The following RAB27A variants were observed in gnomAD, a reference collection of about 807,000 sequenced individuals.
RAB27A encodes RAB27A, member RAS oncogene family.
In RAB27A, 17 loss-of-function variants were observed where a neutral mutation model predicts 20.8. The ratio of observed to expected loss-of-function variants is 0.82; its 90% CI spans 0.56 to 1.23. RAB27A has a LOEUF of 1.23. Among genes scored for constraint, RAB27A ranks in the 50% most tolerant of loss-of-function variants. RAB27A has a pLI of 0.00. For synonymous variants in RAB27A, 85 were observed against 92.8 expected, an observed-to-expected ratio of 0.92 and a Z score of 0.48; for missense variants, 277 against 266.7, an observed-to-expected ratio of 1.04 and a Z score of -0.27.
chr15:55,246,658 G>A (rs1188967412), intron 2 of RAB27A, among the ~76,000 whole-genome samples: 4 of 150,914 alleles, frequency 2.7e-5, no homozygotes, highest in Admixed American at 2.0e-4. Context: ...GTAAAACATA[G>A]GCAGTACAGT....
intron 2 of RAB27A, among the ~76,000 whole-genome samples, chr15:55,303,691 C>G (rs1402344096): frequency 1.2e-4 from 15 of 122,896 alleles, no homozygotes; most frequent in East Asian, 3.1e-4. Flanking sequence ...CGGCCAGCCG[C>G]CCCGTCCGGG....
At chr15:55,301,077 C>T (rs1344365754) in intron 2 of RAB27A, among the ~76,000 whole-genome samples, 1 of 152,086 alleles carries the variant, frequency 6.6e-6, no homozygotes, top group African/African-American at 2.4e-5. Flanking sequence ...CTAGAAAATG[C>T]CACCGTGACC....
chr15:55,246,974 A>G (rs922009264), intron 2 of RAB27A, among the ~76,000 whole-genome samples: 1 of 152,184 alleles, frequency 6.6e-6, no homozygotes, highest in Admixed American at 6.5e-5. Flanking sequence ...CAAACTGAAC[A>G]GCAAAATGCC....
At chr15:55,308,438 C>T (rs557840278) in intron 2 of RAB27A, among the ~76,000 whole-genome samples, 1 of 152,220 alleles carries the variant, frequency 6.6e-6, no homozygotes, top group Non-Finnish European at 1.5e-5. Context: ...ATTAGTTCTG[C>T]CAGCTGAGCA....
chr15:55,236,081 G>A (rs1161221362), intron 2 of RAB27A, among the ~76,000 whole-genome samples: 2 of 151,326 alleles, frequency 1.3e-5, no homozygotes, highest in African/African-American at 4.9e-5. Context: ...TTGGGTGATG[G>A]GTGCACCAAA....
At chr15:55,312,549 A>G (rs756809079) in intron 2 of RAB27A, among the ~76,000 whole-genome samples, 2 of 152,142 alleles carry the variant, frequency 1.3e-5, no homozygotes, top group Non-Finnish European at 2.9e-5. Context: ...CACATCCTCA[A>G]CAGCACTTGT....
At chr15:55,316,970 T>A (rs1040754506) in intron 1 of RAB27A, among the ~76,000 whole-genome samples, 2 of 152,158 alleles carry the variant, frequency 1.3e-5, no homozygotes. Flanking sequence ...GGTTCACATA[T>A]CTACAAACAC....
chr15:55,243,999 G>T (rs1896592104), intron 2 of RAB27A, among the ~76,000 whole-genome samples: 1 of 151,972 alleles, frequency 6.6e-6, no homozygotes, highest in African/African-American at 2.4e-5. Context: ...ACATGGAAAA[G>T]GAATAAAAGT....
intron 2 of RAB27A, among the ~76,000 whole-genome samples, chr15:55,296,766 G>C (rs111464509): frequency 2.0e-5 from 3 of 151,848 alleles, no homozygotes; most frequent in African/African-American, 7.3e-5. Flanking sequence ...ATTCCCTACC[G>C]CCGGTCCCAT....
intron 5 of RAB27A, among the ~76,000 whole-genome samples, chr15:55,226,943 T>A (rs867789367): frequency 6.8e-6 from 1 of 147,894 alleles, no homozygotes; most frequent in Non-Finnish European, 1.5e-5. Context: ...AAGAAAAAAA[T>A]AAAAGTACAG....
At chr15:55,305,342 A>T (rs1396252141) in intron 2 of RAB27A, among the ~76,000 whole-genome samples, 1 of 152,194 alleles carries the variant, frequency 6.6e-6, no homozygotes, top group African/African-American at 2.4e-5. Flanking sequence ...CTTTGATGTC[A>T]TTAACATTGG....
chr15:55,245,752 T>C (rs930985066), intron 2 of RAB27A, among the ~76,000 whole-genome samples: 1 of 152,226 alleles, frequency 6.6e-6, no homozygotes, highest in African/African-American at 2.4e-5. Flanking sequence ...CAGATGGTGA[T>C]ATTCCACTAT....
At chr15:55,274,192 G>C (rs1056190227) in intron 1 of RAB27A, among the ~76,000 whole-genome samples, 4 of 152,030 alleles carry the variant, frequency 2.6e-5, no homozygotes, top group Admixed American at 6.6e-5. Flanking sequence ...TAAATCTTGA[G>C]ATACATGAAA....
At chr15:55,245,817 A>G (rs1311582802) in intron 2 of RAB27A, among the ~76,000 whole-genome samples, 2 of 152,196 alleles carry the variant, frequency 1.3e-5, no homozygotes, top group Non-Finnish European at 2.9e-5. Context: ...TGAATTAAAT[A>G]TACATTTCTG....
At chr15:55,246,928 T>G (rs73413619) in intron 2 of RAB27A, among the ~76,000 whole-genome samples, 1,624 of 152,238 alleles carry the variant, frequency 0.011, 36 homozygotes, top group African/African-American at 0.038. Context: ...CAAGTTCTCC[T>G]AAATTCAAAT....
At chr15:55,274,203 A>G (rs1897786362) in intron 1 of RAB27A, among the ~76,000 whole-genome samples, 1 of 152,200 alleles carries the variant, frequency 6.6e-6, no homozygotes, top group Non-Finnish European at 1.5e-5. Context: ...ATACATGAAA[A>G]TAGAATACAA....
chr15:55,310,155 G>GTAAAGTTC (rs540101287), intron 2 of RAB27A, among the ~76,000 whole-genome samples: 1 of 152,170 alleles, frequency 6.6e-6, no homozygotes, highest in Non-Finnish European at 1.5e-5. Flanking sequence ...TGTGAAAAGA[G>GTAAAGTTC]TAAAGTTCTC....
At chr15:55,206,170 C>T (rs1894641202) in intron 6 of RAB27A, 2 of 232,182 alleles carry the variant, frequency 8.6e-6, no homozygotes, top group Admixed American at 6.5e-5. Context: ...AATATTGTGC[C>T]ACCGCACTCC....
At chr15:55,271,389 C>T (rs116687662) in intron 1 of RAB27A, among the ~76,000 whole-genome samples, 2 of 152,190 alleles carry the variant, frequency 1.3e-5, no homozygotes, top group Admixed American at 6.5e-5. Context: ...TGGGCCCACC[C>T]AGCTGAATCA....
Sources: allele counts gnomAD v4.1 joint callset (sites outside exome capture counted in the v4.1 genomes callset), GRCh38; gene constraint gnomAD v4.1.1; transcripts MANE v1.5; gene names NCBI Gene and HGNC (gene_info 2026-07-23, HGNC 2026-07-21).